ZNF714: variants seen among roughly 807,000 people sequenced by gnomAD.
ZNF714 encodes the protein zinc finger protein 714.
ZNF714 carries 32 observed loss-of-function variants against 46.2 expected under a neutral mutation model. The observed-to-expected ratio is 0.69, with a 90% CI of 0.52 to 0.93. The LOEUF (loss-of-function observed/expected upper bound fraction) is 0.93, where lower values mean the gene tolerates loss of function less well. Among genes scored for constraint, ZNF714 ranks in the 40% least tolerant of loss-of-function variants. The pLI, the probability that ZNF714 is intolerant of heterozygous loss-of-function variation, is 0.00. For synonymous variants in ZNF714, 199 were observed against 213.1 expected (o/e 0.93, Z 0.58); for missense variants, 635 against 646.3 (o/e 0.98, Z 0.19).
rs1969650882 is a variant in ZNF714, at chr19:21,118,326, C to A, written c.1662C>A (p.Arg554=). The change falls in exon 5 of 5, where the codon CGC becomes CGA. Residue 554 remains arginine, a synonymous_variant. Coordinates refer to ENST00000456283, the MANE Select transcript of ZNF714 (RefSeq NM_182515.4). The part of the protein sequence containing the change: ...IQKFAGCGGR[R]L ...AATTTGCTGGGTGTGGTGGCAGGCGCCTGTAATCCCAGCTACTTGGGAGGC... is the reference window on the plus strand; with the variant it reads ...AATTTGCTGGGTGTGGTGGCAGGCGACTGTAATCCCAGCTACTTGGGAGGC... 2 of 811,710 alleles carry A rather than the reference C, an allele frequency of 2.5e-6. No homozygotes were observed. The highest frequency in any genetic ancestry group is 5.4e-5 in the Admixed American group (2 of 37,014). The allele number at this position is 811,710 out of a possible 1,614,324, so 50.3% of individuals were successfully genotyped here. A position where few individuals can be genotyped will look rare whatever the true frequency, so the allele number is the denominator to read the frequency against.
chr19:21,100,731 G>A (rs1969157989), intron 4 of ZNF714, among the ~76,000 whole-genome samples: 1 of 152,022 alleles, frequency 6.6e-6, no homozygotes, highest in Non-Finnish European at 1.5e-5. Context: ...TGTTGTTCAA[G>A]ACAGAGTCTC....
At chr19:21,102,201 G>C (rs973190018) in intron 4 of ZNF714, among the ~76,000 whole-genome samples, 5 of 152,124 alleles carry the variant, frequency 3.3e-5, no homozygotes, top group African/African-American at 1.2e-4. Flanking sequence ...TGATGTTACT[G>C]TTTCTATACA....
In ZNF714 at chr19:21,118,023, C is replaced by G. The variant is rs1410852020; in HGVS notation, c.1359C>G (p.Tyr453Ter). ...GAATTCACACTGGAGAGAAACCCTA[C>G]AAATGTGAAGAATGTGGCAAAGCTT... The part of the protein sequence containing the change: ...HKRIHTGEKP[Y>*]KCEECGKAFN... The change falls in exon 5 of 5, where the codon TAC becomes TAG. Residue 453 changes from tyrosine to a stop codon, truncating the protein, a stop_gained. Coordinates refer to ENST00000456283, the MANE Select transcript of ZNF714 (RefSeq NM_182515.4). LOFTEE classifies it high-confidence loss of function. The G allele has an allele frequency of 1.2e-6, 2 of 1,613,886 alleles. No individual in the cohort carries two copies. The highest frequency in any genetic ancestry group is 1.7e-6 in the Non-Finnish European group (2 of 1,180,010).
chr19:21,106,957 G>T (rs577239532), intron 4 of ZNF714, among the ~76,000 whole-genome samples: 1 of 151,990 alleles, frequency 6.6e-6, no homozygotes, highest in South Asian at 2.1e-4. Context: ...CTCCTAAGTG[G>T]CTGGGATTAC....
At chr19:21,112,840 T>TTTTTTTTTTTTTTTTTTTTTA in intron 4 of ZNF714, among the ~76,000 whole-genome samples, 1 of 133,078 alleles carries the variant, frequency 7.5e-6, no homozygotes, top group Admixed American at 7.9e-5. Flanking sequence ...TTTTTTTTTT[T>TTTTTTTTTTTTTTTTTTTTTA]GAGACGGAGT....
rs1968666371 is a variant in ZNF714, at chr19:21,082,235, C to T, written c.-290C>T. ...GCTGCAGCTGGAGCTGCAGGTCTCGCCTTCACTGCCCTGTGTCCTCTGCTC... is the reference window on the plus strand; with the variant it reads ...GCTGCAGCTGGAGCTGCAGGTCTCGTCTTCACTGCCCTGTGTCCTCTGCTC... On this transcript the variant is annotated 5_prime_UTR_variant, in exon 1 of 5. Transcript: ENST00000456283. The T allele has an allele frequency of 2.6e-6, 3 of 1,172,342 alleles. No homozygotes were observed. The highest frequency in any genetic ancestry group is 8.0e-5 in the East Asian group (2 of 25,136). 72.6% of individuals were successfully genotyped at this position (1,172,342 alleles called of 1,614,324 possible).
intron 4 of ZNF714, among the ~76,000 whole-genome samples, chr19:21,112,815 G>GATTTTTTTTTTTTTT (rs1969481268): frequency 2.4e-5 from 1 of 41,700 alleles, no homozygotes; most frequent in Non-Finnish European, 5.6e-5. Flanking sequence ...TTTTATTTCT[G>GATTTTTTTTTTTTTT]ATTTTTTTTT....
chr19:21,106,442 G>A (rs974297105), intron 4 of ZNF714, among the ~76,000 whole-genome samples: 3 of 151,046 alleles, frequency 2.0e-5, no homozygotes, highest in Admixed American at 6.6e-5. Context: ...GGTGGCAGGC[G>A]CCTGTAATCC....
chr19:21,105,993 G>A (rs1057094334), intron 4 of ZNF714, among the ~76,000 whole-genome samples: 4 of 151,946 alleles, frequency 2.6e-5, no homozygotes, highest in African/African-American at 7.3e-5. Context: ...GCATATGCCT[G>A]TAATTCCAGC....
chr19:21,107,332 C>A (rs1013875014), intron 4 of ZNF714, among the ~76,000 whole-genome samples: 2 of 152,044 alleles, frequency 1.3e-5, no homozygotes, highest in Non-Finnish European at 2.9e-5. Context: ...CTCCGCCTCC[C>A]GGGTTCAAGC....
At position 21,118,220 on chromosome 19, in the gene ZNF714, T is replaced by G. The variant is rs111990779; in HGVS notation, c.1556T>G (p.Leu519Arg). 1.1e-3 allele frequency: 1,767 copies of G among 1,588,190 alleles called. 23 individuals carry two copies. The African/African-American group carries it at 0.021, about 19-fold the overall frequency. ...HACNPNTLRG[L>R]GEQIARSGVQ... ...TGTAATCCCAACACTTTGAGAGGAC[T>G]AGGTGAGCAGATCGCGAGGTCAGGA... Residue 519 changes from leucine (L) to arginine (R), a missense_variant, in exon 5 of 5, where the codon CTA becomes CGA. Coordinates refer to ENST00000456283, the MANE Select transcript of ZNF714 (RefSeq NM_182515.4).
intron 3 of ZNF714, 54 bp downstream of exon 3, chr19:21,098,365 C>T (rs1969092209): frequency 1.3e-6 from 2 of 1,571,620 alleles, no homozygotes; most frequent in African/African-American, 1.4e-5. Flanking sequence ...TTTTATGTCT[C>T]TTTTTTTGTA....
At chr19:21,109,579 GTT>G (rs148778986) in intron 4 of ZNF714, 4 of 222,258 alleles carry the variant, frequency 1.8e-5, no homozygotes, top group African/African-American at 7.2e-5. Flanking sequence ...TTTCATTGTT[GTT>G]TTTTTTTTAA....
At position 21,119,808 on chromosome 19, in the gene ZNF714, G is replaced by T. The variant is rs1260944467; in HGVS notation, c.*1476G>T. On this transcript the variant is annotated 3_prime_UTR_variant, in exon 5 of 5. Coordinates refer to ENST00000456283, the MANE Select transcript of ZNF714 (RefSeq NM_182515.4). ...AGAGGGCTGAGTATAGAAAATTAAAGTTGGTAGAAAAATTATTTGTATATA... is the reference window on the plus strand; with the variant it reads ...AGAGGGCTGAGTATAGAAAATTAAATTTGGTAGAAAAATTATTTGTATATA... 6.6e-6 allele frequency: 1 copy of T among 152,180 alleles called. No individual in the cohort carries two copies. The highest frequency in any genetic ancestry group is 2.4e-5 in the African/African-American group (1 of 41,440). The allele number at this position is 152,180 out of a possible 1,614,324, so 9.4% of individuals were successfully genotyped here. A position where few individuals can be genotyped will look rare whatever the true frequency, so the allele number is the denominator to read the frequency against.
intron 2 of ZNF714, among the ~76,000 whole-genome samples, chr19:21,097,577 T>C (rs1223167141): frequency 6.6e-6 from 1 of 152,180 alleles, no homozygotes; most frequent in Admixed American, 6.5e-5. Context: ...TCTTAGGTTT[T>C]TTTGTTTGTT....
At chr19:21,085,100 A>G (rs1418481691) in intron 2 of ZNF714, among the ~76,000 whole-genome samples, 2 of 152,202 alleles carry the variant, frequency 1.3e-5, no homozygotes, top group Non-Finnish European at 2.9e-5. Flanking sequence ...CAGAATTTCA[A>G]GGCTCAGCTT....
intron 4 of ZNF714, among the ~76,000 whole-genome samples, chr19:21,100,820 C>T (rs544434311): frequency 1.2e-4 from 18 of 152,182 alleles, no homozygotes; most frequent in Admixed American, 9.8e-4. Flanking sequence ...AAATGATTCT[C>T]CCGTAGCCTC....
At chr19:21,092,029 C>G (rs1968920914) in intron 2 of ZNF714, among the ~76,000 whole-genome samples, 1 of 151,968 alleles carries the variant, frequency 6.6e-6, no homozygotes, top group South Asian at 2.1e-4. Context: ...AGATTTGGTG[C>G]CAGAAGAAAG....
Position 21,123,285 on chromosome 19 carries a change from T to A in ZNF714, c.*4953T>A, listed in dbSNP as rs1462130154. ...TACAAAGTGTGGCAAATATAAAACT[T>A]GCTTGAAAATATGGAAATTAAATTT... On this transcript the variant is annotated 3_prime_UTR_variant, in exon 5 of 5. Transcript: ENST00000456283. 1 of 152,068 alleles carries A rather than the reference T, an allele frequency of 6.6e-6. No individual in the cohort carries two copies. The highest frequency in any genetic ancestry group is 1.5e-5 in the Non-Finnish European group (1 of 67,996). The allele number at this position is 152,068 out of a possible 1,614,324, so 9.4% of individuals were successfully genotyped here.
Sources: gnomAD v4.1 joint callset for allele counts (sites outside exome capture counted in the v4.1 genomes callset) on GRCh38, gnomAD v4.1.1 for gene constraint, MANE v1.5 for transcripts, NCBI Gene and HGNC (gene_info 2026-07-23, HGNC 2026-07-21) for gene names.